Variants in CES5A observed in about 807,000 individuals in gnomAD.
CES5A encodes the protein carboxylesterase 5.
A neutral mutation model predicts 62.9 loss-of-function variants in CES5A; 67 were observed. That is an observed-to-expected ratio of 1.07 (90% CI 0.88 to 1.31). CES5A has a LOEUF of 1.31. Ranked by LOEUF, CES5A falls within the 50% of genes most tolerant of loss-of-function variation. The probability of loss-of-function intolerance (pLI) is 0.00; values close to 1 mark genes in which losing one functional copy is unlikely to be tolerated. For missense variants in CES5A, 748 were observed against 708.5 expected, an observed-to-expected ratio of 1.06 and a Z score of -0.63; for synonymous variants, 296 against 280.8, an observed-to-expected ratio of 1.05 and a Z score of -0.54.
intron 1 of CES5A, among the ~76,000 whole-genome samples, chr16:55,889,037 T>A (rs2033846468): frequency 6.6e-6 from 1 of 151,374 alleles, no homozygotes; most frequent in Non-Finnish European, 1.5e-5. Flanking sequence ...GGAGCTTTAC[T>A]CAAAAGTAGC....
chr16:55,854,557 T>C (rs1567324523), intron 9 of CES5A, among the ~76,000 whole-genome samples: 1 of 19,190 alleles, frequency 5.2e-5, no homozygotes, highest in African/African-American at 1.8e-4. Flanking sequence ...TTTTTTTTTT[T>C]GAGACAGAGT....
chr16:55,949,889 C>T (rs1433814993), exon 2 of CES5A: 1 of 1,495,616 alleles, frequency 6.7e-7, no homozygotes, highest in African/African-American at 1.4e-5. Context: ...CATTCCCCTT[C>T]TTATCCTAAA....
At chr16:55,884,337 T>C (rs528534476) in intron 1 of CES5A, among the ~76,000 whole-genome samples, 33 of 152,328 alleles carry the variant, frequency 2.2e-4, no homozygotes, top group Non-Finnish European at 4.3e-4. Flanking sequence ...CCCCTATAGA[T>C]ATCACACTCC....
upstream of CES5A, among the ~76,000 whole-genome samples, chr16:55,876,565 G>A (rs2033697083): frequency 6.6e-6 from 1 of 152,068 alleles, no homozygotes; most frequent in Non-Finnish European, 1.5e-5. Flanking sequence ...TTAGACATAG[G>A]TCCTAAAGGG....
In CES5A at chr16:55,873,852, C is replaced by T; in HGVS notation, c.259G>A (p.Ala87Thr). The T allele has an allele frequency of 6.2e-7, 1 of 1,613,124 alleles. No individual in the cohort carries two copies. The highest frequency in any genetic ancestry group is 8.5e-7 in the Non-Finnish European group (1 of 1,179,648). Residue 87 changes from alanine to threonine, a missense_variant, in exon 2 of 13, where the codon GCC (alanine) becomes ACC (threonine). Physicochemically the swap from Ala to Thr is moderately conservative, Grantham distance 58. Transcript: ENST00000290567. ...TCTTACAAATTAGGGTAGGAGGTGG[C>T]TTCTCGCAAGTTATCCCAGGGCGAT... ...PASPWDNLRE[A>T]TSYPNLCLQN...
chr16:55,903,092 T>C (rs1412078053), intron 1 of CES5A, among the ~76,000 whole-genome samples: 1 of 151,836 alleles, frequency 6.6e-6, no homozygotes, highest in Non-Finnish European at 1.5e-5. Flanking sequence ...GGTTACAGAG[T>C]TCTAGACCAG....
chr16:55,873,771 T>G, intron 2 of CES5A, 62 bp downstream of exon 2: 1 of 1,434,178 alleles, frequency 7.0e-7, no homozygotes. Context: ...CTGGGCTGCA[T>G]GACCTGAATT....
intron 1 of CES5A, among the ~76,000 whole-genome samples, chr16:55,911,600 C>G (rs1211779973): frequency 6.6e-6 from 1 of 152,146 alleles, no homozygotes; most frequent in Non-Finnish European, 1.5e-5. Context: ...CAGTATCCTA[C>G]CTGAAGTATC....
intron 4 of CES5A, 106 bp from the exon 5 acceptor site, chr16:55,866,222 G>T: frequency 9.4e-7 from 1 of 1,067,194 alleles, no homozygotes; most frequent in South Asian, 1.8e-5. Flanking sequence ...TGGGGAGGGG[G>T]CGGAGAGTCA....
At chr16:55,929,284 G>A (rs1315988238), upstream of CES5A, among the ~76,000 whole-genome samples, 1 of 152,222 alleles carries the variant, frequency 6.6e-6, no homozygotes, top group Non-Finnish European at 1.5e-5. Flanking sequence ...CTCGCCAAGG[G>A]AGGTGGGCGC....
At chr16:55,863,219 C>G in intron 6 of CES5A, 129 bp downstream of exon 6, 3 of 675,108 alleles carry the variant, frequency 4.4e-6, no homozygotes, top group Non-Finnish European at 8.2e-6. Flanking sequence ...ACAAGGTTCA[C>G]CTTGGGCCAG....
upstream of CES5A, among the ~76,000 whole-genome samples, chr16:55,926,638 C>T (rs1245934719): frequency 6.6e-6 from 1 of 152,146 alleles, no homozygotes; most frequent in Non-Finnish European, 1.5e-5. Flanking sequence ...GCAAAATTAC[C>T]GTTGTTTAAT....
At chr16:55,867,244 A>C (rs1597122209) in intron 4 of CES5A, among the ~76,000 whole-genome samples, 1 of 152,084 alleles carries the variant, frequency 6.6e-6, no homozygotes, top group African/African-American at 2.4e-5. Flanking sequence ...GGATACATCA[A>C]CTCTTTAATT....
intron 2 of CES5A, among the ~76,000 whole-genome samples, chr16:55,938,839 C>CATAT (rs141696132): frequency 0.017 from 2,081 of 119,770 alleles, 63 homozygotes; most frequent in East Asian, 0.11. Flanking sequence ...TATATATACA[C>CATAT]ATATATATAT....
chr16:55,936,624 C>T (rs1473732917), intron 2 of CES5A, among the ~76,000 whole-genome samples: 1 of 152,146 alleles, frequency 6.6e-6, no homozygotes, highest in Non-Finnish European at 1.5e-5. Context: ...CTAATCCCTG[C>T]TAATCACTGA....
At chr16:55,866,649 T>C (rs11076129) in intron 4 of CES5A, among the ~76,000 whole-genome samples, 36,817 of 132,134 alleles carry the variant, frequency 0.28, 5,614 homozygotes, top group African/African-American at 0.38. Flanking sequence ...AGTGAAACTC[T>C]GTCTCTGCTA....
At chr16:55,945,909 T>A (rs1242178920) in intron 2 of CES5A, among the ~76,000 whole-genome samples, 1 of 152,122 alleles carries the variant, frequency 6.6e-6, no homozygotes, top group African/African-American at 2.4e-5. Context: ...TCATGAACAC[T>A]ACAGTCCCTC....
intron 2 of CES5A, among the ~76,000 whole-genome samples, chr16:55,944,796 A>G (rs1038776644): frequency 6.6e-6 from 1 of 152,192 alleles, no homozygotes; most frequent in Non-Finnish European, 1.5e-5. Flanking sequence ...ACCCTCAGCC[A>G]TACTTGAAGT....
rs2034601995 is a variant in CES5A, at chr16:55,955,701, T to A, written c.42+143A>T. 6 of 820,104 alleles carry A rather than the reference T, an allele frequency of 7.3e-6. No individual in the cohort carries two copies. The East Asian group carries it at 1.6e-4, about 22-fold the overall frequency. The allele number at this position is 820,104 out of a possible 1,614,324, so 50.8% of individuals were successfully genotyped here. On this transcript the variant is annotated intron_variant, in intron 1 of 13. Transcript: ENST00000521992. ...CCCTGGGTTCTCCTGGCAGTCAAGG[T>A]ATCCATCTAGCCTACCGTGGGGGCT...
Sources: gnomAD v4.1 joint callset for allele counts (sites outside exome capture counted in the v4.1 genomes callset) on GRCh38, gnomAD v4.1.1 for gene constraint, MANE v1.5 for transcripts, NCBI Gene and HGNC (gene_info 2026-07-23, HGNC 2026-07-21) for gene names.